The following RPS6KA2 variants were observed in gnomAD, a reference collection of about 807,000 sequenced individuals.
RPS6KA2 encodes the protein ribosomal protein S6 kinase A2, also known as ribosomal protein S6 kinase alpha-2.
In RPS6KA2, 42 loss-of-function variants were observed where a neutral mutation model predicts 91.8. The observed-to-expected ratio is 0.46, with a 90% CI of 0.36 to 0.59. The LOEUF is 0.59. Ranked by LOEUF, RPS6KA2 falls within the 20% of genes least tolerant of loss-of-function variation. The pLI is 0.00. For synonymous variants in RPS6KA2, 414 were observed against 393.6 expected (o/e 1.05, Z -0.61); for missense variants, 798 against 978.5 (o/e 0.82, Z 2.46).
At position 166,852,705 on chromosome 6, in the gene RPS6KA2, G is replaced by A. The variant is rs866279004; in HGVS notation, c.123+5495C>T. ...GGAGCTGGGCATTGGAGGAGGCCAC[G>A]CTGACACGCTCAGGAGCTCATCCCT... On this transcript the variant is annotated intron_variant, in intron 2 of 21. Transcript: ENST00000503859. The surrounding 1 kb of genome is among the most constrained non-coding windows in gnomAD (Gnocchi z 4.1). Among the ~76,000 whole-genome samples the A allele has an allele frequency of 1.3e-5, 2 of 152,068 alleles. No individual in the cohort carries two copies. The highest frequency in any genetic ancestry group is 2.9e-5 in the Non-Finnish European group (2 of 68,014).
intron 2 of RPS6KA2, among the ~76,000 whole-genome samples, chr6:166,836,246 T>C (rs1780313167): frequency 6.6e-6 from 1 of 152,138 alleles, no homozygotes. Flanking sequence ...GGTTTTAGTA[T>C]CGGGGTAATT....
intron 2 of RPS6KA2, among the ~76,000 whole-genome samples, chr6:166,750,522 C>T (rs1344251601): frequency 1.3e-5 from 2 of 152,220 alleles, no homozygotes; most frequent in Non-Finnish European, 2.9e-5. Context: ...AGGCTCTGCG[C>T]TTGCTGGCCC....
intron 2 of RPS6KA2, among the ~76,000 whole-genome samples, chr6:166,699,065 G>T (rs1369702428): frequency 6.6e-6 from 1 of 152,188 alleles, no homozygotes; most frequent in Non-Finnish European, 1.5e-5. Flanking sequence ...GGATTCCAGC[G>T]ACCCCTATGA....
intron 1 of RPS6KA2, among the ~76,000 whole-genome samples, chr6:166,559,643 A>G (rs1354878143): frequency 6.6e-6 from 1 of 152,218 alleles, no homozygotes. Context: ...CCCTATCCAG[A>G]ATCCGAATTG....
intron 2 of RPS6KA2, among the ~76,000 whole-genome samples, chr6:166,535,081 G>A (rs752425521): frequency 2.6e-5 from 4 of 152,190 alleles, no homozygotes; most frequent in South Asian, 2.1e-4. Context: ...TCGAGCTAAC[G>A]CAGGCACTGT....
At chr6:166,546,384 G>A (rs1373900308) in intron 1 of RPS6KA2, among the ~76,000 whole-genome samples, 8 of 152,112 alleles carry the variant, frequency 5.3e-5, no homozygotes, top group Non-Finnish European at 8.8e-5. Context: ...TTAAAATAAC[G>A]CCAGGTAAAA....
chr6:166,417,649 A>ACACT (rs980071241), intron 19 of RPS6KA2, among the ~76,000 whole-genome samples: 1 of 147,878 alleles, frequency 6.8e-6, no homozygotes, highest in African/African-American at 2.6e-5. Context: ...ACACACACAC[A>ACACT]CACGCACGCA....
At chr6:166,678,342 C>T (rs1235211612) in intron 2 of RPS6KA2, among the ~76,000 whole-genome samples, 3 of 152,228 alleles carry the variant, frequency 2.0e-5, no homozygotes, top group Non-Finnish European at 4.4e-5. Flanking sequence ...CCACCCTCCA[C>T]GGGGAACCAA....
intron 2 of RPS6KA2, among the ~76,000 whole-genome samples, chr6:166,786,628 A>C (rs370742710): frequency 1.8e-3 from 274 of 152,320 alleles, no homozygotes; most frequent in African/African-American, 6.3e-3. Context: ...ATTTTATAGT[A>C]GTATAAACAA....
At chr6:166,567,969 C>T (rs548172871) in intron 1 of RPS6KA2, among the ~76,000 whole-genome samples, 12 of 152,322 alleles carry the variant, frequency 7.9e-5, no homozygotes, top group Admixed American at 6.5e-4. Flanking sequence ...CACGCCAGTG[C>T]AGCCTCTGCG....
intron 2 of RPS6KA2, among the ~76,000 whole-genome samples, chr6:166,676,971 C>T (rs1000327066): frequency 1.6e-4 from 25 of 152,336 alleles, no homozygotes; most frequent in African/African-American, 5.3e-4. Context: ...AGTAGTGTGT[C>T]GTGATGTTCT....
rs763782034 is a variant in RPS6KA2 at position 166,410,190 on chromosome 6, T to C, written c.*2572A>G. 3 of 151,568 alleles carry C rather than the reference T, an allele frequency of 2.0e-5. No individual in the cohort carries two copies. Among genetic ancestry groups the C allele is most frequent in the African/African-American group, 4.8e-5 (2 of 41,386 alleles). The allele number at this position is 151,568 out of a possible 1,614,324, so 9.4% of individuals were successfully genotyped here. A position where few individuals can be genotyped will look rare whatever the true frequency, so the allele number is the denominator to read the frequency against. On this transcript the variant is annotated 3_prime_UTR_variant, in exon 21 of 21. Coordinates refer to ENST00000265678, the MANE Select transcript of RPS6KA2 (RefSeq NM_021135.6). ...CATGACCCGGGGGTGGGGGGTTGGG[T>C]TATGATGAACTGTGTGAGGAAGGAG...
At position 166,687,974 on chromosome 6, in the gene RPS6KA2, G is replaced by T. The variant is rs150317441; in HGVS notation, c.124-149190C>A. ...GGGGTTCTATTCACAGGACGGGGGA[G>T]CCTGCTTGGGAAGGAGCAGGGACAG... On this transcript the variant is annotated intron_variant, in intron 2 of 21. Transcript: ENST00000503859. Among the ~76,000 whole-genome samples the T allele has an allele frequency of 5.1e-3, 775 of 152,306 alleles. 7 individuals are homozygous for T. The highest frequency in any genetic ancestry group is 0.018 in the African/African-American group (735 of 41,554).
At chr6:166,604,633 C>T (rs1047761202) in intron 1 of RPS6KA2, among the ~76,000 whole-genome samples, 5 of 152,226 alleles carry the variant, frequency 3.3e-5, no homozygotes, top group Non-Finnish European at 5.9e-5. Flanking sequence ...CTGTCATGGG[C>T]TTGCTGTAAG....
chr6:166,625,331 A>ACCC (rs10583661), intron 1 of RPS6KA2, among the ~76,000 whole-genome samples: 9 of 52,594 alleles, frequency 1.7e-4, no homozygotes, highest in African/African-American at 6.1e-4. Flanking sequence ...CCACCCCCCC[A>ACCC]CCCCCCCCCC....
At position 166,833,764 on chromosome 6, in the gene RPS6KA2, G is replaced by A. The variant is rs183574733; in HGVS notation, c.123+24436C>T. Among the ~76,000 whole-genome samples, 8 of 152,206 alleles carry A rather than the reference G, an allele frequency of 5.3e-5. 1 individual carries two copies. The South Asian group carries it at 1.5e-3, about 28-fold the overall frequency. Reference sequence around the variant, plus strand: ...GAACACAATCTGTTTATCTATTCACGAGTTTATCATTTGAGCAGGTTCCAG... The same window carrying A: ...GAACACAATCTGTTTATCTATTCACAAGTTTATCATTTGAGCAGGTTCCAG... On this transcript the variant is annotated intron_variant, in intron 2 of 21. Coordinates refer to the RPS6KA2 transcript ENST00000503859.
chr6:166,622,659 A>G (rs1786686586), intron 1 of RPS6KA2, among the ~76,000 whole-genome samples: 2 of 152,198 alleles, frequency 1.3e-5, no homozygotes, highest in Middle Eastern at 3.2e-3. Flanking sequence ...GCTTGCTAAG[A>G]GTCCCTTCAC....
chr6:166,754,238 C>G (rs1488677939), intron 2 of RPS6KA2, among the ~76,000 whole-genome samples: 1 of 152,210 alleles, frequency 6.6e-6, no homozygotes, highest in Non-Finnish European at 1.5e-5. Flanking sequence ...AACTTAGGCT[C>G]TATTATTATT....
At chr6:166,628,847 A>C (rs1299836747), upstream of RPS6KA2, among the ~76,000 whole-genome samples, 1 of 152,220 alleles carries the variant, frequency 6.6e-6, no homozygotes, top group Admixed American at 6.5e-5. Flanking sequence ...AGTGCAATTG[A>C]TTTTCATATT....
Sources: allele counts gnomAD v4.1 joint callset (sites outside exome capture counted in the v4.1 genomes callset), GRCh38; gene constraint gnomAD v4.1.1; non-coding constraint Gnocchi (gnomAD v3.1); transcripts MANE v1.5; gene names NCBI Gene and HGNC (gene_info 2026-07-23, HGNC 2026-07-21).